The following FBXL17 variants were observed in gnomAD, a reference collection of about 807,000 sequenced individuals.
The protein encoded by FBXL17 is F-box/LRR-repeat protein 17.
Under a neutral mutation model 66.2 loss-of-function variants are expected in FBXL17, and 22 were observed. The observed-to-expected ratio is 0.33, with a 90% CI of 0.24 to 0.47. The LOEUF is 0.47. Ranked by LOEUF, FBXL17 falls within the 20% of genes least tolerant of loss-of-function variation. The pLI, the probability that FBXL17 is intolerant of heterozygous loss-of-function variation, is 1.00. For missense variants in FBXL17, 878 were observed against 948.2 expected, an observed-to-expected ratio of 0.93 and a Z score of 0.97; for synonymous variants, 474 against 400.5, an observed-to-expected ratio of 1.18 and a Z score of -2.19.
At chr5:108,317,976 A>T (rs951766419) in intron 4 of FBXL17, among the ~76,000 whole-genome samples, 3 of 151,644 alleles carry the variant, frequency 2.0e-5, no homozygotes, top group African/African-American at 4.8e-5. Flanking sequence ...TTACAAAATT[A>T]TATACAGTTC....
chr5:108,343,638 T>C (rs547042077), intron 4 of FBXL17, among the ~76,000 whole-genome samples: 1 of 152,322 alleles, frequency 6.6e-6, no homozygotes, highest in Non-Finnish European at 1.5e-5. Context: ...TTTCACATAA[T>C]GCTGAATTAA....
At chr5:108,201,742 T>C (rs1229857548) in intron 5 of FBXL17, among the ~76,000 whole-genome samples, 2 of 151,896 alleles carry the variant, frequency 1.3e-5, no homozygotes, top group Non-Finnish European at 2.9e-5. Context: ...TGGGACCCCT[T>C]CCATGTTCAA....
intron 7 of FBXL17, among the ~76,000 whole-genome samples, chr5:108,009,078 T>C (rs999580802): frequency 6.7e-6 from 1 of 149,580 alleles, no homozygotes; most frequent in Non-Finnish European, 1.5e-5. Flanking sequence ...AAACAGTACA[T>C]AGCTAGTTTT....
intron 4 of FBXL17, among the ~76,000 whole-genome samples, chr5:108,252,396 A>G (rs1157159760): frequency 6.6e-6 from 1 of 152,152 alleles, no homozygotes. Context: ...AAAAAACATC[A>G]TTCGTACAAA....
At position 108,267,708 on chromosome 5, in the gene FBXL17, G is replaced by C. The variant is rs530276301; in HGVS notation, c.1507-43480C>G. On this transcript the variant is annotated intron_variant, in intron 4 of 8. Transcript: ENST00000542267. ...AAACCAGAAGAAAGACAATATACAG[G>C]TGGCTGAACAAGCAGATGAATAAAT... Among the ~76,000 whole-genome samples the C allele has an allele frequency of 5.9e-5, 9 of 152,050 alleles. No individual in the cohort carries two copies. The South Asian group carries it at 1.9e-3, about 32-fold the overall frequency.
intron 7 of FBXL17, among the ~76,000 whole-genome samples, chr5:107,911,108 A>G (rs1006875580): frequency 1.4e-4 from 21 of 152,130 alleles, no homozygotes; most frequent in African/African-American, 5.1e-4. Context: ...TAATTCTAAA[A>G]AGTAGTTAAG....
chr5:108,067,314 C>T (rs1293988371), intron 6 of FBXL17, among the ~76,000 whole-genome samples: 2 of 152,112 alleles, frequency 1.3e-5, no homozygotes, highest in African/African-American at 4.8e-5. Flanking sequence ...TATCTTCCTT[C>T]TGGGCACTAT....
At chr5:108,033,514 A>G (rs1173860584) in intron 6 of FBXL17, among the ~76,000 whole-genome samples, 1 of 152,162 alleles carries the variant, frequency 6.6e-6, no homozygotes, top group African/African-American at 2.4e-5. Flanking sequence ...TCCCACTCAC[A>G]AATGCAACTA....
chr5:108,126,258 A>C (rs1750691875), intron 6 of FBXL17, among the ~76,000 whole-genome samples: 1 of 152,176 alleles, frequency 6.6e-6, no homozygotes, highest in Admixed American at 6.6e-5. Flanking sequence ...AGAACCTGGC[A>C]TATGAGACAT....
chr5:108,021,224 A>T (rs1388984962), intron 6 of FBXL17, among the ~76,000 whole-genome samples: 1 of 151,456 alleles, frequency 6.6e-6, no homozygotes, highest in Non-Finnish European at 1.5e-5. Flanking sequence ...CAAACAGCTT[A>T]AAAAGAAATA....
At chr5:107,935,169 T>C (rs1279534565) in intron 7 of FBXL17, among the ~76,000 whole-genome samples, 1 of 152,110 alleles carries the variant, frequency 6.6e-6, no homozygotes, top group East Asian at 1.9e-4. Flanking sequence ...AAAGTTTGCC[T>C]ATATTAGATT....
chr5:108,225,495 G>A (rs987338046), intron 4 of FBXL17, among the ~76,000 whole-genome samples: 1 of 152,148 alleles, frequency 6.6e-6, no homozygotes, highest in Admixed American at 6.5e-5. Context: ...CACACACAGG[G>A]AGAATGCCAT....
intron 5 of FBXL17, among the ~76,000 whole-genome samples, chr5:108,198,784 TA>T (rs1398823188): frequency 1.3e-5 from 2 of 152,192 alleles, no homozygotes; most frequent in Non-Finnish European, 2.9e-5. Context: ...TACTCAATGT[TA>T]TAAGCTGGAA....
At chr5:108,328,483 A>G (rs2150232373) in intron 4 of FBXL17, among the ~76,000 whole-genome samples, 1 of 152,152 alleles carries the variant, frequency 6.6e-6, no homozygotes, top group African/African-American at 2.4e-5. Context: ...ATTTATGGCT[A>G]TTGTTTGTGA....
At chr5:108,002,515 A>C (rs143818666) in intron 7 of FBXL17, among the ~76,000 whole-genome samples, 3 of 152,168 alleles carry the variant, frequency 2.0e-5, no homozygotes, top group East Asian at 3.8e-4. Flanking sequence ...TCTCAGTAAT[A>C]CTTTTCCCAG....
intron 3 of FBXL17, among the ~76,000 whole-genome samples, chr5:108,356,142 G>C (rs1747972040): frequency 6.6e-6 from 1 of 151,958 alleles, no homozygotes; most frequent in African/African-American, 2.4e-5. Context: ...TGATAAAGGG[G>C]GACATGACTT....
intron 6 of FBXL17, among the ~76,000 whole-genome samples, chr5:108,039,669 T>TATC (rs1241238121): frequency 2.0e-5 from 3 of 152,154 alleles, no homozygotes; most frequent in Admixed American, 2.0e-4. Context: ...TATAACTGGA[T>TATC]ATCAGCTCAA....
intron 7 of FBXL17, among the ~76,000 whole-genome samples, chr5:108,009,308 T>TATATAGATAGATATATATACACAC: frequency 4.7e-5 from 2 of 42,208 alleles, no homozygotes; most frequent in African/African-American, 1.8e-4. Context: ...TATACATATA[T>TATATAGATAGATATATATACACAC]ACATACACAT....
At chr5:108,365,507 T>G (rs1435773950) in intron 2 of FBXL17, among the ~76,000 whole-genome samples, 1 of 152,130 alleles carries the variant, frequency 6.6e-6, no homozygotes, top group Non-Finnish European at 1.5e-5. Context: ...TCCCATACCT[T>G]GCCTTCTGCA....
Sources: allele counts gnomAD v4.1 joint callset (sites outside exome capture counted in the v4.1 genomes callset), GRCh38; gene constraint gnomAD v4.1.1; transcripts MANE v1.5; gene names NCBI Gene and HGNC (gene_info 2026-07-23, HGNC 2026-07-21).